The following SPOCK1 variants were observed in gnomAD, a reference collection of about 807,000 sequenced individuals.
The protein encoded by SPOCK1 is testican-1.
SPOCK1 carries 23 observed loss-of-function variants against 55.3 expected under a neutral mutation model. The ratio of observed to expected loss-of-function variants is 0.42; its 90% CI spans 0.30 to 0.59. SPOCK1 has a LOEUF of 0.59. SPOCK1 is among the 20% of genes least tolerant of loss of function. The pLI is 0.22. For synonymous variants in SPOCK1, 226 were observed against 221.0 expected (o/e 1.02, Z -0.20); for missense variants, 499 against 552.5 (o/e 0.90, Z 0.97).
chr5:137,288,429 G>A (rs1757306748), intron 2 of SPOCK1, among the ~76,000 whole-genome samples: 1 of 152,110 alleles, frequency 6.6e-6, no homozygotes, highest in Admixed American at 6.5e-5. Context: ...CCTACACAAT[G>A]CTTCCCCTTC....
chr5:137,180,458 A>G (rs1002347444), intron 3 of SPOCK1, among the ~76,000 whole-genome samples: 1 of 152,134 alleles, frequency 6.6e-6, no homozygotes, highest in African/African-American at 2.4e-5. Context: ...GCTCTGAGCT[A>G]TACATTAGTA....
chr5:137,485,255 C>G (rs1754031505), intron 2 of SPOCK1, among the ~76,000 whole-genome samples: 1 of 152,166 alleles, frequency 6.6e-6, no homozygotes, highest in Admixed American at 6.5e-5. Flanking sequence ...TTGTCCCTAG[C>G]ACTTAAAACC....
In SPOCK1 at chr5:137,463,593, C is replaced by A. The variant is rs143234288; in HGVS notation, c.186+34780G>T. ...GCAAAAAAAAATAGAATAAATAAGA[C>A]CTAGTATTTGATAGTATAGCAGGGG... On this transcript the variant is annotated intron_variant, in intron 2 of 10. Coordinates refer to ENST00000394945, the MANE Select transcript of SPOCK1 (RefSeq NM_004598.4). 4.6e-3 allele frequency among the ~76,000 whole-genome samples: 691 copies of A among 151,862 alleles called. 5 individuals are homozygous for A. Among genetic ancestry groups the A allele is most frequent in the Middle Eastern group, 0.017 (5 of 294 alleles).
chr5:137,069,077 A>G (rs1752560413), intron 5 of SPOCK1, among the ~76,000 whole-genome samples: 1 of 152,242 alleles, frequency 6.6e-6, no homozygotes, highest in African/African-American at 2.4e-5. Flanking sequence ...ACACAAATGC[A>G]TACCTTTGAA....
chr5:137,246,851 CA>C (rs1756403797), intron 3 of SPOCK1, among the ~76,000 whole-genome samples: 1 of 152,226 alleles, frequency 6.6e-6, no homozygotes. Flanking sequence ...CTGACAGCTG[CA>C]ATGAGTCACA....
intron 6 of SPOCK1, among the ~76,000 whole-genome samples, chr5:137,024,318 G>GC (rs1554093480): frequency 6.7e-6 from 1 of 148,714 alleles, no homozygotes; most frequent in East Asian, 2.0e-4. Context: ...GTTTGAAGGG[G>GC]GGGGGGTAGT....
At chr5:137,090,616 G>A (rs1340617056) in intron 5 of SPOCK1, among the ~76,000 whole-genome samples, 7 of 152,172 alleles carry the variant, frequency 4.6e-5, no homozygotes, top group Non-Finnish European at 1.0e-4. Flanking sequence ...ACCTTTGCTG[G>A]CTGAAGTTAA....
At chr5:137,180,959 A>T (rs1049056809) in intron 3 of SPOCK1, among the ~76,000 whole-genome samples, 1 of 152,196 alleles carries the variant, frequency 6.6e-6, no homozygotes, top group African/African-American at 2.4e-5. Context: ...ACATATCATG[A>T]GCTGCCTGTG....
chr5:137,029,028 A>G (rs1751729469), intron 6 of SPOCK1, among the ~76,000 whole-genome samples: 1 of 152,116 alleles, frequency 6.6e-6, no homozygotes, highest in South Asian at 2.1e-4. Context: ...GCTTATGGTC[A>G]ACTGAGTCCC....
At chr5:137,186,206 C>G (rs544986719) in intron 3 of SPOCK1, among the ~76,000 whole-genome samples, 1 of 152,200 alleles carries the variant, frequency 6.6e-6, no homozygotes, top group Non-Finnish European at 1.5e-5. Flanking sequence ...TCACAGCCAA[C>G]CTTCTTGAAG....
chr5:137,099,758 A>C (rs1753225867), intron 5 of SPOCK1, among the ~76,000 whole-genome samples: 1 of 152,028 alleles, frequency 6.6e-6, no homozygotes, highest in African/African-American at 2.4e-5. Context: ...CCAACTTCTC[A>C]CTATGTTAGG....
chr5:137,488,857 A>G (rs1194120574), intron 2 of SPOCK1, among the ~76,000 whole-genome samples: 1 of 152,172 alleles, frequency 6.6e-6, no homozygotes, highest in Non-Finnish European at 1.5e-5. Flanking sequence ...TGTGTCCCAG[A>G]TCACACAGGA....
intron 3 of SPOCK1, among the ~76,000 whole-genome samples, chr5:137,159,540 C>T (rs1754485811): frequency 6.6e-6 from 1 of 150,550 alleles, no homozygotes. Flanking sequence ...ACTCTTTATG[C>T]TTTTGCATAC....
At chr5:137,398,868 C>T (rs1751912108) in intron 2 of SPOCK1, among the ~76,000 whole-genome samples, 1 of 152,144 alleles carries the variant, frequency 6.6e-6, no homozygotes, top group South Asian at 2.1e-4. Context: ...CTGCAGCCCA[C>T]AAAACAGGGC....
intron 2 of SPOCK1, among the ~76,000 whole-genome samples, chr5:137,340,187 C>T (rs962145163): frequency 6.6e-6 from 1 of 152,178 alleles, no homozygotes; most frequent in Non-Finnish European, 1.5e-5. Flanking sequence ...ATCTTGATCC[C>T]GGTTTGTTTC....
At chr5:137,000,413 C>A (rs764108618) in intron 6 of SPOCK1, among the ~76,000 whole-genome samples, 16 of 152,176 alleles carry the variant, frequency 1.1e-4, no homozygotes, top group Non-Finnish European at 1.8e-4. Context: ...TGGGTTGGGT[C>A]TCTTCCCTCC....
intron 3 of SPOCK1, among the ~76,000 whole-genome samples, chr5:137,217,852 A>G (rs1755750200): frequency 6.6e-6 from 1 of 152,150 alleles, no homozygotes; most frequent in East Asian, 1.9e-4. Flanking sequence ...ATCGTGGTTA[A>G]TAAGTGACAA....
rs978698665 is a variant in SPOCK1 at position 136,977,831 on chromosome 5, T to C, written c.*823A>G. On this transcript the variant is annotated 3_prime_UTR_variant, in exon 11 of 11. Transcript: ENST00000394945. ...GCAGGCTACAAGAGCCAACTGTTAG[T>C]GCAAAAAAGGACTTTAATACAAATT... is the stretch of plus-strand genomic sequence containing the variant. 1 of 398,828 alleles carries C rather than the reference T, an allele frequency of 2.5e-6. No individual in the cohort carries two copies. Among genetic ancestry groups the C allele is most frequent in the Admixed American group, 4.4e-5 (1 of 22,740 alleles). 24.7% of individuals were successfully genotyped at this position (398,828 alleles called of 1,614,324 possible).
chr5:137,464,520 G>C (rs1421242204), intron 2 of SPOCK1, among the ~76,000 whole-genome samples: 2 of 148,862 alleles, frequency 1.3e-5, no homozygotes, highest in Admixed American at 1.3e-4. Flanking sequence ...CCTAAATTAA[G>C]AGACTGACAA....
Sources: allele counts gnomAD v4.1 joint callset (sites outside exome capture counted in the v4.1 genomes callset), GRCh38; gene constraint gnomAD v4.1.1; transcripts MANE v1.5; gene names NCBI Gene and HGNC (gene_info 2026-07-23, HGNC 2026-07-21).